CDK5RAP2: variants seen among roughly 807,000 people sequenced by gnomAD.
CDK5RAP2 encodes CDK5 regulatory subunit associated protein 2, also known as CDK5 regulatory subunit-associated protein 2.
A neutral mutation model predicts 232.9 loss-of-function variants in CDK5RAP2; 147 were observed. That is an observed-to-expected ratio of 0.63 (90% confidence interval 0.55 to 0.72). The LOEUF (loss-of-function observed/expected upper bound fraction) is 0.72. Among genes scored for constraint, CDK5RAP2 ranks in the 30% least tolerant of loss-of-function variants. The pLI, the probability that CDK5RAP2 is intolerant of heterozygous loss-of-function variation, is 0.00. For missense variants in CDK5RAP2, 2,195 were observed against 2,231.5 expected (o/e 0.98, Z 0.33); for synonymous variants, 833 against 833.7 (o/e 1.00, Z 0.01).
chr9:120,577,817 C>A (rs984466491), intron 1 of CDK5RAP2, among the ~76,000 whole-genome samples: 1 of 152,160 alleles, frequency 6.6e-6, no homozygotes, highest in African/African-American at 2.4e-5. Context: ...GGGATTAAAA[C>A]CCAGCTAGGC....
chr9:120,532,882 T>C (rs2041215959), intron 7 of CDK5RAP2, among the ~76,000 whole-genome samples: 1 of 152,046 alleles, frequency 6.6e-6, no homozygotes, highest in Non-Finnish European at 1.5e-5. Context: ...ACACAGTAAG[T>C]ACTTGATACA....
At chr9:120,478,018 AGTCTCC>A (rs2038110083) in intron 14 of CDK5RAP2, among the ~76,000 whole-genome samples, 1 of 152,218 alleles carries the variant, frequency 6.6e-6, no homozygotes, top group Admixed American at 6.5e-5. Context: ...TATGAGCTTC[AGTCTCC>A]TCATTTATGA....
intron 12 of CDK5RAP2, among the ~76,000 whole-genome samples, chr9:120,509,686 T>C (rs1441896067): frequency 1.3e-5 from 2 of 152,234 alleles, no homozygotes; most frequent in East Asian, 3.8e-4. Flanking sequence ...TGCTCATTTA[T>C]GATGTGTCAA....
chr9:120,505,562 CA>C (rs1415237091), intron 12 of CDK5RAP2, among the ~76,000 whole-genome samples: 2 of 152,152 alleles, frequency 1.3e-5, no homozygotes, highest in Non-Finnish European at 2.9e-5. Flanking sequence ...GAAGGCATGT[CA>C]AAAGTCAATA....
At chr9:120,567,891 C>A (rs77813383) in intron 3 of CDK5RAP2, among the ~76,000 whole-genome samples, 3 of 152,252 alleles carry the variant, frequency 2.0e-5, no homozygotes, top group Non-Finnish European at 4.4e-5. Flanking sequence ...TCCTAACCTG[C>A]AAAATGGGAA....
In CDK5RAP2 at chr9:120,443,547, T is replaced by C. The variant is rs2036016419; in HGVS notation, c.3148+73A>G. On this transcript the variant is annotated intron_variant, in intron 23 of 37. Coordinates refer to ENST00000349780, the MANE Select transcript of CDK5RAP2 (RefSeq NM_018249.6). ...AGGGCTGCTATGGGCTTAGTAATAA[T>C]TTTTAGATAAAACATCCAAATGGTG... 2.0e-6 allele frequency: 3 copies of C among 1,537,444 alleles called. No homozygotes were observed. In the East Asian group the frequency reaches 6.8e-5, roughly 35 times the overall value.
intron 15 of CDK5RAP2, among the ~76,000 whole-genome samples, chr9:120,472,908 G>A (rs991922329): frequency 6.6e-6 from 1 of 152,176 alleles, no homozygotes; most frequent in Non-Finnish European, 1.5e-5. Flanking sequence ...GGAACTGAAC[G>A]TTTAATTTTG....
At chr9:120,422,583 GA>G in intron 26 of CDK5RAP2, 109 bp downstream of exon 26, 1 of 819,318 alleles carries the variant, frequency 1.2e-6, no homozygotes, top group Non-Finnish European at 2.2e-6. Flanking sequence ...TTATTTACAA[GA>G]AGCAGGAAAC....
At chr9:120,498,718 A>AATATAT (rs145678067) in intron 12 of CDK5RAP2, among the ~76,000 whole-genome samples, 155 of 147,346 alleles carry the variant, frequency 1.1e-3, no homozygotes, top group African/African-American at 3.4e-3. Flanking sequence ...AAAGGCTTTA[A>AATATAT]ATATATATAT....
intron 25 of CDK5RAP2, among the ~76,000 whole-genome samples, chr9:120,432,442 T>C (rs1162731840): frequency 6.6e-6 from 1 of 152,208 alleles, no homozygotes; most frequent in African/African-American, 2.4e-5. Context: ...TTTTAAAGGC[T>C]ATATTTAAAT....
rs944436885 is a variant in CDK5RAP2 at position 120,539,283 on chromosome 9, T to G, written c.384-119A>C. 13 of 1,230,844 alleles carry G rather than the reference T, an allele frequency of 1.1e-5. No individual in the cohort carries two copies. In the South Asian group the frequency reaches 1.7e-4, roughly 16 times the overall value. 76.2% of individuals were successfully genotyped at this position (1,230,844 alleles called of 1,614,324 possible). ...TTCTCCCACAGACCTGTGCTGAGCTTCTTTTTCTTTAGCTTAATATTTATC... is the reference window on the plus strand; with the variant it reads ...TTCTCCCACAGACCTGTGCTGAGCTGCTTTTTCTTTAGCTTAATATTTATC... On this transcript the variant is annotated intron_variant, in intron 5 of 37. Coordinates refer to ENST00000349780, the MANE Select transcript of CDK5RAP2 (RefSeq NM_018249.6).
chr9:120,553,369 C>T (rs2042114572), intron 3 of CDK5RAP2, among the ~76,000 whole-genome samples: 1 of 152,164 alleles, frequency 6.6e-6, no homozygotes, highest in South Asian at 2.1e-4. Flanking sequence ...AAAGCAATTC[C>T]TAGTATGCTT....
intron 12 of CDK5RAP2, among the ~76,000 whole-genome samples, chr9:120,504,315 C>G (rs2039710999): frequency 6.6e-6 from 1 of 152,132 alleles, no homozygotes; most frequent in South Asian, 2.1e-4. Flanking sequence ...CTGGCTACAT[C>G]TGGAGCAGGA....
chr9:120,565,449 T>A (rs2042614461), intron 3 of CDK5RAP2, among the ~76,000 whole-genome samples: 1 of 152,082 alleles, frequency 6.6e-6, no homozygotes, highest in Non-Finnish European at 1.5e-5. Flanking sequence ...GTCATTTCCC[T>A]CCCCAGATTA....
intron 14 of CDK5RAP2, among the ~76,000 whole-genome samples, chr9:120,482,345 T>C (rs190425407): frequency 1.6e-4 from 24 of 152,312 alleles, no homozygotes; most frequent in African/African-American, 5.1e-4. Flanking sequence ...TTCTTCTTTC[T>C]GGCAGCTATT....
At chr9:120,442,343 T>C (rs570148590) in intron 23 of CDK5RAP2, among the ~76,000 whole-genome samples, 61 of 152,300 alleles carry the variant, frequency 4.0e-4, no homozygotes, top group African/African-American at 1.2e-3. Flanking sequence ...AGAGAGTTCT[T>C]AACCCTCAAT....
intron 7 of CDK5RAP2, among the ~76,000 whole-genome samples, chr9:120,532,248 A>T (rs1219108703): frequency 2.0e-5 from 3 of 152,182 alleles, no homozygotes; most frequent in Admixed American, 6.5e-5. Context: ...TTCACACTTT[A>T]AAAAATACTG....
At chr9:120,520,750 C>CATATCTCATGAGCTATATCTCAG (rs1564332186) in intron 11 of CDK5RAP2, among the ~76,000 whole-genome samples, 10 of 134,356 alleles carry the variant, frequency 7.4e-5, no homozygotes, top group African/African-American at 2.8e-4. Context: ...TGTGATATCT[C>CATATCTCATGAGCTATATCTCAG]ATATCTCATG....
intron 25 of CDK5RAP2, among the ~76,000 whole-genome samples, chr9:120,430,640 A>G (rs1317764713): frequency 2.0e-5 from 3 of 151,976 alleles, no homozygotes; most frequent in African/African-American, 7.2e-5. Flanking sequence ...GTGGAGAAAT[A>G]GGAACACTTT....
Sources: allele counts gnomAD v4.1 joint callset (sites outside exome capture counted in the v4.1 genomes callset), GRCh38; gene constraint gnomAD v4.1.1; transcripts MANE v1.5; gene names NCBI Gene and HGNC (gene_info 2026-07-23, HGNC 2026-07-21).